Variants in MAML3 observed in about 807,000 individuals in gnomAD.
The protein encoded by MAML3 is mastermind like transcriptional coactivator 3.
A neutral mutation model predicts 101.9 loss-of-function variants in MAML3; 27 were observed. That is an observed-to-expected ratio of 0.27 (90% CI 0.20 to 0.37). The LOEUF (loss-of-function observed/expected upper bound fraction) is 0.37, where lower values mean the gene tolerates loss of function less well. MAML3 is among the 10% of genes least tolerant of loss of function. The pLI, the probability that MAML3 is intolerant of heterozygous loss-of-function variation, is 1.00. For synonymous variants in MAML3, 501 were observed against 555.9 expected (o/e 0.90, Z 1.39); for missense variants, 1,316 against 1,444.9 (o/e 0.91, Z 1.45).
At chr4:140,012,009 C>T (rs1363513507) in intron 1 of MAML3, among the ~76,000 whole-genome samples, 1 of 149,514 alleles carries the variant, frequency 6.7e-6, no homozygotes, top group Non-Finnish European at 1.5e-5. Context: ...TGATCTAAAT[C>T]TCAAAAAAAA....
intron 1 of MAML3, among the ~76,000 whole-genome samples, chr4:140,039,363 C>A (rs1203326916): frequency 6.6e-6 from 1 of 152,144 alleles, no homozygotes; most frequent in African/African-American, 2.4e-5. Context: ...TAGCGGAAAT[C>A]CACAGGCCCA....
At chr4:139,820,476 T>C (rs901373179) in intron 2 of MAML3, among the ~76,000 whole-genome samples, 1 of 152,216 alleles carries the variant, frequency 6.6e-6, no homozygotes, top group African/African-American at 2.4e-5. Flanking sequence ...TTAAGAAAGA[T>C]TAGTTATGGA....
intron 1 of MAML3, among the ~76,000 whole-genome samples, chr4:140,120,473 T>C (rs975987873): frequency 6.6e-6 from 1 of 152,244 alleles, no homozygotes; most frequent in Non-Finnish European, 1.5e-5. Context: ...TCTATTTCCT[T>C]ATTGGTACAT....
chr4:140,141,201 AAATAACT>A (rs1479640382), intron 1 of MAML3, among the ~76,000 whole-genome samples: 2 of 152,214 alleles, frequency 1.3e-5, no homozygotes, highest in Non-Finnish European at 2.9e-5. Context: ...AGGGAAAGCA[AAATAACT>A]AAGAACTCTG....
intron 1 of MAML3, among the ~76,000 whole-genome samples, chr4:140,092,416 A>G (rs1024163315): frequency 6.6e-6 from 1 of 152,086 alleles, no homozygotes; most frequent in Non-Finnish European, 1.5e-5. Context: ...TCAAAGCAGC[A>G]TCAGATGAGA....
At chr4:140,108,384 A>G (rs1728387609) in intron 1 of MAML3, among the ~76,000 whole-genome samples, 2 of 151,794 alleles carry the variant, frequency 1.3e-5, no homozygotes, top group Admixed American at 6.6e-5. Context: ...CTGAGTCTCC[A>G]ACAAAACTGT....
chr4:140,033,110 A>G (rs1248429069), intron 1 of MAML3, among the ~76,000 whole-genome samples: 1 of 152,196 alleles, frequency 6.6e-6, no homozygotes, highest in Non-Finnish European at 1.5e-5. Flanking sequence ...CTCTGGCTGA[A>G]CATCCTTTTC....
intron 2 of MAML3, among the ~76,000 whole-genome samples, chr4:139,776,348 G>T (rs1730096192): frequency 6.6e-6 from 1 of 152,162 alleles, no homozygotes; most frequent in South Asian, 2.1e-4. Context: ...CTCCTGTCGT[G>T]ATACAGTGCC....
At chr4:140,039,031 A>G (rs1281185662) in intron 1 of MAML3, among the ~76,000 whole-genome samples, 1 of 152,106 alleles carries the variant, frequency 6.6e-6, no homozygotes, top group Admixed American at 6.5e-5. Context: ...AGGCAGGAGA[A>G]TCCCTTGAAC....
At chr4:139,981,623 C>A (rs1734445935) in intron 1 of MAML3, among the ~76,000 whole-genome samples, 1 of 152,100 alleles carries the variant, frequency 6.6e-6, no homozygotes. Context: ...TACCTAATGT[C>A]ACTTTTGTGT....
At chr4:139,909,249 T>A (rs547038275) in intron 1 of MAML3, among the ~76,000 whole-genome samples, 17 of 152,352 alleles carry the variant, frequency 1.1e-4, no homozygotes, top group African/African-American at 4.1e-4. Flanking sequence ...AGATTATGTC[T>A]ATAAAACAGT....
rs1054859277 is a variant in MAML3, at chr4:139,719,955, G to A, written c.2785C>T (p.His929Tyr). ...MLVNSAITQQ[H>Y]PQMKGPVGQA... Reference sequence around the variant, plus strand: ...CCTACTGGCCCTTTCATCTGTGGATGTTGCTGGGTAATGGCTGAGTTCACC... The same window carrying A: ...CCTACTGGCCCTTTCATCTGTGGATATTGCTGGGTAATGGCTGAGTTCACC... The change falls in exon 5 of 5, where the codon CAT (histidine) becomes TAT (tyrosine). Residue 929 changes from histidine to tyrosine, a missense_variant. Physicochemically the swap from His to Tyr is moderately conservative, Grantham distance 83 (BLOSUM62 2). Transcript: ENST00000509479. The A allele has an allele frequency of 1.7e-5, 27 of 1,613,996 alleles. No individual in the cohort carries two copies. Among genetic ancestry groups the A allele is most frequent in the Non-Finnish European group, 2.3e-5 (27 of 1,179,916 alleles).
At chr4:140,104,408 A>ATATGATATAATATAATATATG in intron 1 of MAML3, among the ~76,000 whole-genome samples, 1 of 54,986 alleles carries the variant, frequency 1.8e-5, no homozygotes, top group Non-Finnish European at 3.2e-5. Flanking sequence ...TATAATATAT[A>ATATGATATAATATAATATATG]ATATAATATA....
intron 2 of MAML3, among the ~76,000 whole-genome samples, chr4:139,772,089 A>C (rs1448545241): frequency 6.6e-6 from 1 of 151,252 alleles, no homozygotes; most frequent in Non-Finnish European, 1.5e-5. Flanking sequence ...AAATACAAAA[A>C]ATTAGCTGGG....
At chr4:140,104,723 G>T (rs896204369) in intron 1 of MAML3, among the ~76,000 whole-genome samples, 1 of 151,444 alleles carries the variant, frequency 6.6e-6, no homozygotes, top group Non-Finnish European at 1.5e-5. Flanking sequence ...AAACTCCTGA[G>T]CTCAAGCGAT....
intron 1 of MAML3, among the ~76,000 whole-genome samples, chr4:139,954,165 A>G (rs2110763263): frequency 1.3e-5 from 2 of 152,280 alleles, no homozygotes; most frequent in African/African-American, 4.8e-5. Context: ...TTCATATTTT[A>G]TATCCTTAGA....
intron 2 of MAML3, among the ~76,000 whole-genome samples, chr4:139,761,164 T>A (rs1729750356): frequency 6.6e-6 from 1 of 152,204 alleles, no homozygotes; most frequent in South Asian, 2.1e-4. Context: ...TTCACCATGT[T>A]GGCCAGGATG....
intron 1 of MAML3, among the ~76,000 whole-genome samples, chr4:140,112,847 T>A (rs116182170): frequency 6.6e-6 from 1 of 152,306 alleles, no homozygotes; most frequent in African/African-American, 2.4e-5. Context: ...CTGTGACTCA[T>A]CTATGAGAGA....
chr4:139,830,054 G>C (rs1731133677), intron 2 of MAML3, among the ~76,000 whole-genome samples: 1 of 152,146 alleles, frequency 6.6e-6, no homozygotes, highest in African/African-American at 2.4e-5. Context: ...AAAAGGGGTA[G>C]ATTTACTCCA....
Sources: allele counts gnomAD v4.1 joint callset (sites outside exome capture counted in the v4.1 genomes callset), GRCh38; gene constraint gnomAD v4.1.1; transcripts MANE v1.5; gene names NCBI Gene and HGNC (gene_info 2026-07-23, HGNC 2026-07-21).